PTPRB: variants seen among roughly 807,000 people sequenced by gnomAD.
PTPRB encodes receptor-type tyrosine-protein phosphatase beta.
PTPRB carries 97 observed loss-of-function variants against 238.1 expected under a neutral mutation model. The ratio of observed to expected loss-of-function variants is 0.41; its 90% CI spans 0.35 to 0.48. The LOEUF (loss-of-function observed/expected upper bound fraction) is 0.48, where lower values mean the gene tolerates loss of function less well. Among genes scored for constraint, PTPRB ranks in the 20% least tolerant of loss-of-function variants. The probability of loss-of-function intolerance (pLI) is 0.30; values close to 1 mark genes in which losing one functional copy is unlikely to be tolerated. For synonymous variants in PTPRB, 970 were observed against 995.4 expected (o/e 0.97, Z 0.48); for missense variants, 2,292 against 2,681.9 (o/e 0.85, Z 3.21).
chr12:70,564,836 AAATAATAAATAATAATAAT>A (rs1299647655), intron 15 of PTPRB, among the ~76,000 whole-genome samples: 787 of 32,762 alleles, frequency 0.024, 4 homozygotes, highest in African/African-American at 0.049. Context: ...CTGTCTCCAA[AAATAATAAATAATAATAAT>A]AATAATAATA....
At chr12:70,571,350 T>C in intron 12 of PTPRB, 61 bp from the exon 13 acceptor site, 1 of 1,439,264 alleles carries the variant, frequency 6.9e-7, no homozygotes, top group Non-Finnish European at 9.5e-7. Context: ...ACCTACATAA[T>C]AATTTATGAA....
In PTPRB at chr12:70,556,155, G is replaced by C. The variant is rs778922648; in HGVS notation, c.4715-7C>G. ...TTTTGTATCTTGTCAGGCTCTAAAG[G>C]AAACAGAGGAGGCAACACTTTTCAG... On this transcript the variant is annotated splice_polypyrimidine_tract_variant and splice_region_variant and intron_variant, in intron 18 of 33. Coordinates refer to ENST00000334414, the MANE Select transcript of PTPRB (RefSeq NM_001109754.4). The C allele has an allele frequency of 6.2e-7, 1 of 1,608,760 alleles. No homozygotes were observed. Among genetic ancestry groups the C allele is most frequent in the Admixed American group, 1.7e-5 (1 of 59,268 alleles).
intron 9 of PTPRB, among the ~76,000 whole-genome samples, chr12:70,586,050 A>G (rs150351397): frequency 1.3e-5 from 2 of 152,120 alleles, no homozygotes; most frequent in Non-Finnish European, 2.9e-5. Context: ...TCTATCATTG[A>G]TGGACATTCG....
intron 4 of PTPRB, among the ~76,000 whole-genome samples, chr12:70,598,895 T>C (rs1358764102): frequency 6.6e-6 from 1 of 152,206 alleles, no homozygotes; most frequent in Non-Finnish European, 1.5e-5. Flanking sequence ...GCAGACTTTA[T>C]CTAATCTTTC....
At chr12:70,613,690 T>C (rs1347290175) in intron 3 of PTPRB, among the ~76,000 whole-genome samples, 1 of 152,196 alleles carries the variant, frequency 6.6e-6, no homozygotes, top group Non-Finnish European at 1.5e-5. Flanking sequence ...TTCCCGGTCA[T>C]ATGGAGGATT....
intron 22 of PTPRB, chr12:70,542,380 C>G (rs113461503): frequency 0.11 from 16,584 of 151,564 alleles, 1,271 homozygotes; most frequent in South Asian, 0.2. Flanking sequence ...GAGTTCGAGA[C>G]CAGCCTGGCC....
In PTPRB at chr12:70,581,201, C is replaced by T. The variant is rs770097757; in HGVS notation, c.2413G>A (p.Val805Ile). 3.3e-5 allele frequency: 54 copies of T among 1,613,864 alleles called. No homozygotes were observed. The South Asian group carries it at 5.7e-4, about 17-fold the overall frequency. Residue 805 changes from valine (V) to isoleucine (I), a missense_variant, in exon 10 of 34, where the codon GTC (valine) becomes ATC (isoleucine). By Grantham distance (29) the Val-to-Ile change is conservative (BLOSUM62 3). Coordinates refer to ENST00000334414, the MANE Select transcript of PTPRB (RefSeq NM_001109754.4). ...QAQGDVEFYQ[V>I]LLIHENVVIK... ...ACCACATTTTCATGGATCAGTAAGACTTGGTAAAATTCTACGTCTCCTTGT... is the reference window on the plus strand; with the variant it reads ...ACCACATTTTCATGGATCAGTAAGATTTGGTAAAATTCTACGTCTCCTTGT...
rs1350387390 is a variant in PTPRB, at chr12:70,571,818, A to C, written c.3106+6T>G. The stretch of plus-strand genomic sequence containing the variant: ...AACTGTCAGATTTTGCAATCGTTCC[A>C]CTTACTTGTTCTCCCATTCCCTTGT... On this transcript the variant is annotated splice_donor_region_variant and intron_variant, in intron 12 of 33. Transcript: ENST00000334414. The C allele has an allele frequency of 1.2e-6, 2 of 1,606,340 alleles. No homozygotes were observed. The highest frequency in any genetic ancestry group is 2.7e-5 in the African/African-American group (2 of 74,606).
chr12:70,622,342 C>G (rs368653686), intron 3 of PTPRB, 48 bp downstream of exon 3: 100 of 1,583,780 alleles, frequency 6.3e-5, no homozygotes, highest in Non-Finnish European at 8.2e-5. Context: ...AAGCAATGAG[C>G]CTCCTGAGAC....
chr12:70,597,614 G>A (rs991808425), intron 4 of PTPRB, among the ~76,000 whole-genome samples: 1 of 152,100 alleles, frequency 6.6e-6, no homozygotes, highest in African/African-American at 2.4e-5. Context: ...CAAGATATTG[G>A]AGACCAATAT....
At chr12:70,590,274 C>A in intron 7 of PTPRB, 41 bp from the exon 8 acceptor site, 2 of 1,499,490 alleles carry the variant, frequency 1.3e-6, no homozygotes, top group South Asian at 1.4e-5. Flanking sequence ...TATTACAGAC[C>A]AAAAGTAAGG....
rs559749888 is a variant in PTPRB, at chr12:70,515,941, C to A, written c.*5548G>T. The A allele has an allele frequency of 6.8e-5, 10 of 146,962 alleles. No homozygotes were observed. The highest frequency in any genetic ancestry group is 5.5e-4 in the Admixed American group (8 of 14,620). 9.1% of individuals were successfully genotyped at this position (146,962 alleles called of 1,614,324 possible). A position where few individuals can be genotyped will look rare whatever the true frequency, so the allele number is the denominator to read the frequency against. ...AGATGCTATATAGATTTTTTTTTTA[C>A]CACAGTTACAAATATAAAAATGTAT... On this transcript the variant is annotated 3_prime_UTR_variant, in exon 34 of 34. Transcript: ENST00000334414.
intron 33 of PTPRB, 112 bp downstream of exon 33, chr12:70,524,359 C>T (rs1037839771): frequency 2.3e-5 from 28 of 1,198,786 alleles, no homozygotes; most frequent in African/African-American, 3.1e-5. Flanking sequence ...AAGTGATCCT[C>T]CTGCCTCAGC....
At position 70,566,422 on chromosome 12, in the gene PTPRB, C is replaced by G; in HGVS notation, c.3904+13G>C. 2 of 1,612,294 alleles carry G rather than the reference C, an allele frequency of 1.2e-6. No individual in the cohort carries two copies. Among genetic ancestry groups the G allele is most frequent in the Non-Finnish European group, 1.7e-6 (2 of 1,179,004 alleles). Reference sequence around the variant, plus strand: ...GCAATATGTGCTACAAAACATTATGCTGTGCTAATTACCTGTTCGGCCTTC... The same window carrying G: ...GCAATATGTGCTACAAAACATTATGGTGTGCTAATTACCTGTTCGGCCTTC... On this transcript the variant is annotated intron_variant, in intron 15 of 33. Transcript: ENST00000334414.
At chr12:70,620,332 C>A (rs1315177058) in intron 3 of PTPRB, among the ~76,000 whole-genome samples, 1 of 152,192 alleles carries the variant, frequency 6.6e-6, no homozygotes, top group Non-Finnish European at 1.5e-5. Flanking sequence ...AACTGGTTGT[C>A]CCAGACTCTT....
chr12:70,631,310 C>G (rs1373573174), intron 2 of PTPRB, among the ~76,000 whole-genome samples: 7 of 152,166 alleles, frequency 4.6e-5, no homozygotes, highest in South Asian at 2.1e-4. Context: ...ACAAACCTGA[C>G]AAAAACAAGC....
chr12:70,540,002 G>A lies in PTPRB; in HGVS notation c.5615C>T (p.Ser1872Phe), dbSNP rs774376074. ...QKVSHGRERP[S>F]ARLSIRRDRP... ...ATCCCTACGAATGCTCAGACGGGCA[G>A]AGGGTCTTTCTCGACCATGGCTGAA... The change falls in exon 24 of 34, where the codon TCT (serine) becomes TTT (phenylalanine). Residue 1872 changes from serine (S) to phenylalanine (F), a missense_variant. Transcript: ENST00000334414. 2 of 1,609,820 alleles carry A rather than the reference G, an allele frequency of 1.2e-6. No homozygotes were observed. Among genetic ancestry groups the A allele is most frequent in the Admixed American group, 1.7e-5 (1 of 59,954 alleles).
chr12:70,546,533 C>A (rs753505801), intron 21 of PTPRB, among the ~76,000 whole-genome samples: 4 of 152,108 alleles, frequency 2.6e-5, no homozygotes, highest in Admixed American at 6.5e-5. Context: ...CTGACCTGAA[C>A]AATGATAGAG....
At chr12:70,562,033 G>A (rs1159180485) in intron 16 of PTPRB, among the ~76,000 whole-genome samples, 3 of 152,252 alleles carry the variant, frequency 2.0e-5, no homozygotes, top group Admixed American at 2.0e-4. Context: ...ACTTTGGGAG[G>A]TCGAGGCAAG....
Sources: gnomAD v4.1 joint callset for allele counts (sites outside exome capture counted in the v4.1 genomes callset) on GRCh38, gnomAD v4.1.1 for gene constraint, MANE v1.5 for transcripts, NCBI Gene and HGNC (gene_info 2026-07-23, HGNC 2026-07-21) for gene names.